UTS2: variants seen among roughly 807,000 people sequenced by gnomAD.
UTS2 encodes urotensin-2.
UTS2 carries 10 observed loss-of-function variants against 12.6 expected under a neutral mutation model. That is an observed-to-expected ratio of 0.80 (90% CI 0.49 to 1.35). The LOEUF (loss-of-function observed/expected upper bound fraction) is 1.35, where lower values mean the gene tolerates loss of function less well. UTS2 is among the 40% of genes most tolerant of loss of function. The probability of loss-of-function intolerance (pLI) is 0.00; values close to 1 mark genes in which losing one functional copy is unlikely to be tolerated. For synonymous variants in UTS2, 52 were observed against 50.0 expected, an observed-to-expected ratio of 1.04 and a Z score of -0.17; for missense variants, 142 against 143.2, an observed-to-expected ratio of 0.99 and a Z score of 0.04.
chr1:7,857,073 G>A (rs1638326441), upstream of UTS2, among the ~76,000 whole-genome samples: 1 of 112,250 alleles, frequency 8.9e-6, no homozygotes, highest in Non-Finnish European at 1.9e-5. Flanking sequence ...AAGAAAGAGA[G>A]AGAGAGAGGG....
the UTS2 span, among the ~76,000 whole-genome samples, chr1:7,906,510 A>AG: frequency 6.9e-5 from 10 of 144,992 alleles, no homozygotes; most frequent in East Asian, 1.1e-3. Context: ...AAAGAAAGAA[A>AG]AGAGGGAGGG....
the UTS2 span, among the ~76,000 whole-genome samples, chr1:7,879,717 G>A: frequency 1.3e-5 from 2 of 151,170 alleles, no homozygotes. Flanking sequence ...CTCCGGCCTG[G>A]ATGATAGAGC....
the UTS2 span, among the ~76,000 whole-genome samples, chr1:7,908,635 G>A: frequency 2.6e-5 from 4 of 151,858 alleles, no homozygotes; most frequent in African/African-American, 4.8e-5. Context: ...GTGGCTCTGC[G>A]TCATTGATTG....
At chr1:7,892,903 T>A in the UTS2 span, among the ~76,000 whole-genome samples, 1 of 152,130 alleles carries the variant, frequency 6.6e-6, no homozygotes, top group African/African-American at 2.4e-5. Flanking sequence ...AAGTCCTTTT[T>A]GCCATGAAAG....
At chr1:7,862,992 TGTATTG>T in the UTS2 span, among the ~76,000 whole-genome samples, 2 of 18,764 alleles carry the variant, frequency 1.1e-4, no homozygotes, top group African/African-American at 3.8e-4. Flanking sequence ...TGTGTTGTGT[TGTATTG>T]TATTGTATTG....
At chr1:7,873,501 A>G in the UTS2 span, among the ~76,000 whole-genome samples, 1 of 152,218 alleles carries the variant, frequency 6.6e-6, no homozygotes, top group Non-Finnish European at 1.5e-5. Flanking sequence ...TCCCACCTTC[A>G]TGGATGACTT....
the UTS2 span, among the ~76,000 whole-genome samples, chr1:7,881,315 A>T: frequency 1.6e-4 from 25 of 152,322 alleles, no homozygotes; most frequent in African/African-American, 5.5e-4. Flanking sequence ...GAAAGAAATA[A>T]AAGGCATCCA....
chr1:7,906,427 G>GAAA, the UTS2 span, among the ~76,000 whole-genome samples: 1 of 93,650 alleles, frequency 1.1e-5, no homozygotes, highest in African/African-American at 4.0e-5. Context: ...AAGAAAGAAA[G>GAAA]GAAGAAAGAA....
At chr1:7,898,284 A>C in the UTS2 span, among the ~76,000 whole-genome samples, 1 of 152,138 alleles carries the variant, frequency 6.6e-6, no homozygotes, top group African/African-American at 2.4e-5. Flanking sequence ...AAAAAGGAGT[A>C]CCGCAAGCTG....
At chr1:7,904,694 C>A in the UTS2 span, among the ~76,000 whole-genome samples, 2 of 152,044 alleles carry the variant, frequency 1.3e-5, no homozygotes, top group African/African-American at 4.8e-5. Context: ...CACCTGAGGT[C>A]ATGAGTTCAA....
rs528396117 is a variant in UTS2, at chr1:7,850,932, A to G, written c.104-10T>C. ...GCGTCTTCATGAGGTGCTACAGAGT[A>G]AAAACAGATACTTAGAATTGGGTTC... On this transcript the variant is annotated splice_polypyrimidine_tract_variant and intron_variant, in intron 1 of 3. Coordinates refer to ENST00000361696, the MANE Select transcript of UTS2 (RefSeq NM_006786.4). 8.7e-5 allele frequency: 141 copies of G among 1,613,430 alleles called. No individual in the cohort carries two copies. In the South Asian group the frequency reaches 1.4e-3, roughly 15 times the overall value.
the UTS2 span, among the ~76,000 whole-genome samples, chr1:7,900,384 C>T: frequency 6.6e-6 from 1 of 151,792 alleles, no homozygotes; most frequent in Admixed American, 6.6e-5. Flanking sequence ...GCGACAGAGC[C>T]AGAACTTGTC....
the UTS2 span, among the ~76,000 whole-genome samples, chr1:7,909,006 C>T: frequency 6.6e-6 from 1 of 151,964 alleles, no homozygotes; most frequent in East Asian, 1.9e-4. Context: ...TGGGTTTTAC[C>T]ATATTGGCCA....
At chr1:7,871,051 T>G in the UTS2 span, among the ~76,000 whole-genome samples, 1 of 152,216 alleles carries the variant, frequency 6.6e-6, no homozygotes, top group Non-Finnish European at 1.5e-5. Context: ...AAAAGAACCG[T>G]GTGAGGCTAA....
chr1:7,890,965 C>T, the UTS2 span, among the ~76,000 whole-genome samples: 1 of 84,944 alleles, frequency 1.2e-5, no homozygotes, highest in Non-Finnish European at 2.7e-5. Flanking sequence ...GTGATACCCT[C>T]CACCCCCCCC....
chr1:7,851,395 T>G (rs1422266405), intron 1 of UTS2, among the ~76,000 whole-genome samples: 1 of 152,192 alleles, frequency 6.6e-6, no homozygotes, highest in Non-Finnish European at 1.5e-5. Flanking sequence ...ACTTCAAGAT[T>G]TCAATACAAT....
chr1:7,847,674 T>G lies in UTS2; in HGVS notation c.*92A>C. 4 of 1,052,770 alleles carry G rather than the reference T, an allele frequency of 3.8e-6. No individual in the cohort carries two copies. Among genetic ancestry groups the G allele is most frequent in the South Asian group, 2.9e-5 (2 of 68,508 alleles). The allele number at this position is 1,052,770 out of a possible 1,614,324, so 65.2% of individuals were successfully genotyped here. ...TGAACAGGGTGTAGTTTGCCTAGTT[T>G]TTCTCCACACTGTTTTCAAATCAAG... On this transcript the variant is annotated 3_prime_UTR_variant, in exon 4 of 4. Coordinates refer to ENST00000361696, the MANE Select transcript of UTS2 (RefSeq NM_006786.4).
the UTS2 span, among the ~76,000 whole-genome samples, chr1:7,862,202 G>A: frequency 6.6e-6 from 1 of 151,424 alleles, no homozygotes; most frequent in Non-Finnish European, 1.5e-5. Flanking sequence ...TGGGATTACC[G>A]GTGTGAGCCA....
At chr1:7,851,504 G>A (rs1292699284) in intron 1 of UTS2, among the ~76,000 whole-genome samples, 1 of 152,172 alleles carries the variant, frequency 6.6e-6, no homozygotes, top group African/African-American at 2.4e-5. Context: ...TAGAATGCAT[G>A]GTAAGTGCGC....
Sources: gnomAD v4.1 joint callset for allele counts (sites outside exome capture counted in the v4.1 genomes callset) on GRCh38, gnomAD v4.1.1 for gene constraint, MANE v1.5 for transcripts, NCBI Gene and HGNC (gene_info 2026-07-23, HGNC 2026-07-21) for gene names.